Variants in TECPR1 observed in about 807,000 individuals in gnomAD.
TECPR1 encodes the protein tectonin beta-propeller repeat-containing protein 1.
TECPR1 carries 122 observed loss-of-function variants against 162.4 expected under a neutral mutation model. That is an observed-to-expected ratio of 0.75 (90% CI 0.65 to 0.87). TECPR1 has a LOEUF of 0.87. Among genes scored for constraint, TECPR1 ranks in the 40% least tolerant of loss-of-function variants. The pLI is 0.00. For synonymous variants in TECPR1, 642 were observed against 670.6 expected (o/e 0.96, Z 0.66); for missense variants, 1,432 against 1,618.2 (o/e 0.88, Z 1.97).
At chr7:98,218,979 C>T (rs1798082116) in intron 23 of TECPR1, among the ~76,000 whole-genome samples, 1 of 152,182 alleles carries the variant, frequency 6.6e-6, no homozygotes, top group South Asian at 2.1e-4. Context: ...CATTACTGGA[C>T]TTCAAATTAT....
chr7:98,229,275 C>T, intron 15 of TECPR1, 109 bp from the exon 16 acceptor site: 8 of 1,410,110 alleles, frequency 5.7e-6, no homozygotes, highest in Non-Finnish European at 7.6e-6. Flanking sequence ...TTTTCCCAGC[C>T]CTCGGTCTCC....
intron 23 of TECPR1, among the ~76,000 whole-genome samples, chr7:98,220,067 C>T (rs1376935848): frequency 6.6e-6 from 1 of 151,758 alleles, no homozygotes; most frequent in African/African-American, 2.4e-5. Flanking sequence ...CACAGCCAGG[C>T]GCGGTGGCTC....
intron 2 of TECPR1, among the ~76,000 whole-genome samples, chr7:98,246,628 C>A (rs1226278116): frequency 6.6e-6 from 1 of 151,890 alleles, no homozygotes; most frequent in Non-Finnish European, 1.5e-5. Flanking sequence ...GTTGCCCAGG[C>A]TGGAGTGCAA....
At chr7:98,230,774 C>T (rs1456872585) in intron 15 of TECPR1, among the ~76,000 whole-genome samples, 187 bp downstream of exon 15, 4 of 152,310 alleles carry the variant, frequency 2.6e-5, no homozygotes, top group East Asian at 1.9e-4. Flanking sequence ...GCTTCTGGTT[C>T]CCCCTCTTGG....
At chr7:98,229,294 A>G in intron 15 of TECPR1, 128 bp from the exon 16 acceptor site, 1 of 1,253,290 alleles carries the variant, frequency 8.0e-7, no homozygotes. Flanking sequence ...CCAAGCACAG[A>G]CCATCCACCC....
At chr7:98,244,248 G>GAGCC (rs747387684) in intron 5 of TECPR1, among the ~76,000 whole-genome samples, 3 of 152,202 alleles carry the variant, frequency 2.0e-5, no homozygotes, top group Non-Finnish European at 1.5e-5. Flanking sequence ...AGCAACGCTA[G>GAGCC]AGCCAGAGGT....
intron 8 of TECPR1, 59 bp downstream of exon 8, chr7:98,240,792 C>T: frequency 1.4e-6 from 2 of 1,383,120 alleles, no homozygotes; most frequent in Non-Finnish European, 2.0e-6. Flanking sequence ...GTGATCACAG[C>T]TCACTGCAGT....
At chr7:98,221,482 GT>G (rs71532099) in intron 23 of TECPR1, among the ~76,000 whole-genome samples, 178 bp downstream of exon 23, 54,908 of 135,326 alleles carry the variant, frequency 0.41, 11,736 homozygotes, top group Middle Eastern at 0.63. Context: ...AAAAATTAAA[GT>G]TTTTTTTTTT....
rs1258682617 is a variant in TECPR1, at chr7:98,251,086, G to A, written c.-20+308C>T. On this transcript the variant is annotated intron_variant, in intron 2 of 25. Transcript: ENST00000447648. ...GGGTCAGAGGACTCTTGAAAGGGGG[G>A]TTGGAACATGAAGCCCCATGATTCA... 2.0e-5 allele frequency: 3 copies of A among 152,300 alleles called. No individual in the cohort carries two copies. In the South Asian group the frequency reaches 6.2e-4, roughly 32 times the overall value. The allele number at this position is 152,300 out of a possible 1,614,324, so 9.4% of individuals were successfully genotyped here. A position where few individuals can be genotyped will look rare whatever the true frequency, so the allele number is the denominator to read the frequency against.
chr7:98,246,196 G>T, intron 2 of TECPR1, 31 bp from the exon 3 acceptor site: 1 of 1,445,066 alleles, frequency 6.9e-7, no homozygotes, highest in Non-Finnish European at 9.4e-7. Context: ...CCAGCGTTCA[G>T]GCTCCCAGCC....
chr7:98,247,883 T>C (rs932048257), intron 2 of TECPR1, among the ~76,000 whole-genome samples: 3 of 151,998 alleles, frequency 2.0e-5, no homozygotes, highest in African/African-American at 7.3e-5. Flanking sequence ...CCACCGTACC[T>C]GGCTAATTTT....
rs1798469566 is a variant in TECPR1 at position 98,232,462 on chromosome 7, T to G, written c.1818+365A>C. Among the ~76,000 whole-genome samples, 1 of 151,780 alleles carries G rather than the reference T, an allele frequency of 6.6e-6. No homozygotes were observed. Among genetic ancestry groups the G allele is most frequent in the Non-Finnish European group, 1.5e-5 (1 of 67,932 alleles). On this transcript the variant is annotated intron_variant, in intron 12 of 25. Coordinates refer to ENST00000447648, the MANE Select transcript of TECPR1 (RefSeq NM_015395.3). This position sits in a 1 kb window ranked among gnomAD's most constrained non-coding sequence, Gnocchi z 4.6. The stretch of plus-strand genomic sequence containing the variant: ...CCAGGGGTGGGGTCTCCGGCCGCCC[T>G]CTGTGCTAACTCCTTGCAATCACAC...
intron 17 of TECPR1, chr7:98,226,479 C>A (rs1798281669): frequency 9.8e-7 from 1 of 1,018,262 alleles, no homozygotes; most frequent in Admixed American, 5.6e-5. Context: ...CCTCCCTGTG[C>A]CTGGCCTTGT....
chr7:98,242,886 A>G, intron 6 of TECPR1, among the ~76,000 whole-genome samples: 1 of 139,504 alleles, frequency 7.2e-6, no homozygotes, highest in Non-Finnish European at 1.5e-5. Context: ...CCATCTACCC[A>G]TACACCCACC....
chr7:98,217,573 G>C, intron 25 of TECPR1, 70 bp from the exon 26 acceptor site: 1 of 1,538,656 alleles, frequency 6.5e-7, no homozygotes, highest in East Asian at 2.4e-5. Context: ...CTGCCTGGGG[G>C]CCTCCCTGCA....
In TECPR1 at chr7:98,241,143, G is replaced by C; in HGVS notation, c.759C>G (p.His253Gln). 1 of 1,612,790 alleles carries C rather than the reference G, an allele frequency of 6.2e-7. No homozygotes were observed. The highest frequency in any genetic ancestry group is 8.5e-7 in the Non-Finnish European group (1 of 1,179,768). ...CCCAGAGTGTGGCCCACAGGAGGTC[G>C]TGGGGCCCACAGCTGATCTGAACCA... Reference protein sequence around the residue: ...GEVVQISCGPHDLLWATLWEG... With the variant: ...GEVVQISCGPQDLLWATLWEG... Residue 253 changes from histidine to glutamine, a missense_variant, in exon 7 of 26, where the codon CAC becomes CAG. Physicochemically the swap from His to Gln is conservative, Grantham distance 24 (BLOSUM62 0). Transcript: ENST00000447648. This position sits in a 1 kb window ranked among gnomAD's most constrained non-coding sequence, Gnocchi z 5.0.
chr7:98,218,844 T>G (rs1318972904), intron 23 of TECPR1, among the ~76,000 whole-genome samples: 3 of 152,190 alleles, frequency 2.0e-5, no homozygotes, highest in African/African-American at 7.2e-5. Flanking sequence ...ATGCAATTCC[T>G]ATTAAAATAC....
chr7:98,238,572 G>A lies in TECPR1; in HGVS notation c.972C>T (p.Cys324=), dbSNP rs762324560. ...FRRGVNSHNP[C]GTSWIEMVGE... ...CAACCATCTCAATCCAACTGGTGCC[G>A]CAGGGATTGTGAGAGTTGACGCCTC... The change falls in exon 9 of 26, where the codon TGC becomes TGT. Residue 324 remains cysteine, a synonymous_variant. Transcript: ENST00000447648. 5.1e-5 allele frequency: 81 copies of A among 1,573,910 alleles called. No individual in the cohort carries two copies. Among genetic ancestry groups the A allele is most frequent in the Middle Eastern group, 5.0e-4 (3 of 6,022 alleles).
Position 98,214,674 on chromosome 7 carries a change from G to A in TECPR1, c.*2716C>T, listed in dbSNP as rs1190014916. 7 of 152,234 alleles carry A rather than the reference G, an allele frequency of 4.6e-5. No homozygotes were observed. Among genetic ancestry groups the A allele is most frequent in the Middle Eastern group, 3.2e-3 (1 of 316 alleles). 9.4% of individuals were successfully genotyped at this position (152,234 alleles called of 1,614,324 possible). A position where few individuals can be genotyped will look rare whatever the true frequency, so the allele number is the denominator to read the frequency against. On this transcript the variant is annotated 3_prime_UTR_variant, in exon 26 of 26. Coordinates refer to ENST00000447648, the MANE Select transcript of TECPR1 (RefSeq NM_015395.3). Reference sequence around the variant, plus strand: ...CCCTGAACTTGCTGAATGGACCGACGAGCTGAGCCTGAAAGCCCAGAAGAG... The same window carrying A: ...CCCTGAACTTGCTGAATGGACCGACAAGCTGAGCCTGAAAGCCCAGAAGAG...
Sources: allele counts gnomAD v4.1 joint callset (sites outside exome capture counted in the v4.1 genomes callset), GRCh38; gene constraint gnomAD v4.1.1; non-coding constraint Gnocchi (gnomAD v3.1); transcripts MANE v1.5; gene names NCBI Gene and HGNC (gene_info 2026-07-23, HGNC 2026-07-21).